The following ANKRD13B variants were observed in gnomAD, a reference collection of about 807,000 sequenced individuals.
ANKRD13B encodes the protein ankyrin repeat domain-containing protein 13B.
Under a neutral mutation model 74.4 loss-of-function variants are expected in ANKRD13B, and 33 were observed. That is an observed-to-expected ratio of 0.44 (90% CI 0.34 to 0.59). ANKRD13B has a LOEUF of 0.59. Ranked by LOEUF, ANKRD13B falls within the 20% of genes least tolerant of loss-of-function variation. ANKRD13B has a pLI of 0.02. For missense variants in ANKRD13B, 676 were observed against 877.9 expected (o/e 0.77, Z 2.91); for synonymous variants, 341 against 362.9 (o/e 0.94, Z 0.68).
At chr17:29,596,547 A>T (rs892975457) in intron 1 of ANKRD13B, among the ~76,000 whole-genome samples, 15 of 152,106 alleles carry the variant, frequency 9.9e-5, no homozygotes, top group Admixed American at 6.5e-5. Flanking sequence ...CGTGGGAGGG[A>T]CATGTGTGGG....
At chr17:29,593,886 G>T in intron 1 of ANKRD13B, 151 bp downstream of exon 1, 2 of 141,838 alleles carry the variant, frequency 1.4e-5, no homozygotes, top group Non-Finnish European at 1.2e-5. Flanking sequence ...TGTTGACCGG[G>T]AAAGGGTGAT....
chr17:29,599,208 C>A (rs2034066332), intron 1 of ANKRD13B, among the ~76,000 whole-genome samples: 1 of 152,134 alleles, frequency 6.6e-6, no homozygotes, highest in African/African-American at 2.4e-5. Flanking sequence ...CCGGGGAAGG[C>A]CATTGGCGAA....
In ANKRD13B at chr17:29,593,410, C is replaced by T. The variant is rs987524447; in HGVS notation, c.-212C>T. 1.4e-5 allele frequency: 2 copies of T among 146,494 alleles called. No individual in the cohort carries two copies. Among genetic ancestry groups the T allele is most frequent in the African/African-American group, 4.9e-5 (2 of 40,698 alleles). The allele number at this position is 146,494 out of a possible 1,614,324, so 9.1% of individuals were successfully genotyped here. A position where few individuals can be genotyped will look rare whatever the true frequency, so the allele number is the denominator to read the frequency against. On this transcript the variant is annotated 5_prime_UTR_variant, in exon 1 of 15. Transcript: ENST00000394859. The stretch of plus-strand genomic sequence containing the variant: ...GGCGGGTGGGGGCCTCTCCGCGCCG[C>T]CCGCCGCCGCCGCCTCGCGAGGACG...
intron 1 of ANKRD13B, among the ~76,000 whole-genome samples, chr17:29,600,767 G>T (rs1051857435): frequency 6.6e-6 from 1 of 152,120 alleles, no homozygotes; most frequent in Non-Finnish European, 1.5e-5. Context: ...TTATGTGGAC[G>T]TTTCCCTCTG....
At position 29,600,123 on chromosome 17, in the gene ANKRD13B, A is replaced by G. The variant is rs1048113239; in HGVS notation, c.114+6388A>G. ...GATCTCCTGACCTCGTGATCCGCCC[A>G]CCTCGGCCTCCCAAAGAGCTGGGAT... On this transcript the variant is annotated intron_variant, in intron 1 of 14. Coordinates refer to ENST00000394859, the MANE Select transcript of ANKRD13B (RefSeq NM_152345.5). Among the ~76,000 whole-genome samples, 12 of 151,992 alleles carry G rather than the reference A, an allele frequency of 7.9e-5. No homozygotes were observed. In the East Asian group the frequency reaches 1.6e-3, roughly 20 times the overall value.
chr17:29,613,429 A>C lies in ANKRD13B; in HGVS notation c.1728A>C (p.Pro576=). ...CCAGCCCTCGGCCCAGCTCAGGGCC[A>C]GGTTCCGGCGGCCACGTGTTCCGGA... ...SVPSPRPSSG[P]GSGGHVFRSY... Residue 576 remains proline, a synonymous_variant, in exon 15 of 15, where the codon CCA becomes CCC. Coordinates refer to ENST00000394859, the MANE Select transcript of ANKRD13B (RefSeq NM_152345.5). The C allele has an allele frequency of 6.5e-7, 1 of 1,529,030 alleles. No individual in the cohort carries two copies. Among genetic ancestry groups the C allele is most frequent in the Non-Finnish European group, 8.8e-7 (1 of 1,141,216 alleles). 94.7% of individuals were successfully genotyped at this position (1,529,030 alleles called of 1,614,324 possible).
chr17:29,596,391 C>T (rs191525020), intron 1 of ANKRD13B, among the ~76,000 whole-genome samples: 125 of 152,286 alleles, frequency 8.2e-4, no homozygotes, highest in African/African-American at 2.9e-3. Flanking sequence ...TCTGCCAGGT[C>T]GGGGGGGACA....
chr17:29,608,021 C>A lies in ANKRD13B; in HGVS notation c.286C>A (p.Leu96Met). 1.4e-5 allele frequency: 23 copies of A among 1,611,764 alleles called. No individual in the cohort carries two copies. The highest frequency in any genetic ancestry group is 2.0e-5 in the Non-Finnish European group (23 of 1,178,928). Residue 96 changes from leucine to methionine, a missense_variant, in exon 3 of 15, where the codon CTG (leucine) becomes ATG (methionine). Coordinates refer to ENST00000394859, the MANE Select transcript of ANKRD13B (RefSeq NM_152345.5). The surrounding 1 kb of genome is among the most constrained non-coding windows in gnomAD (Gnocchi z 6.4). ...GGCTGTGAGTACCCGGGACCTGGAG[C>A]TGGTGCAGCTGGTGCTTCGGTACCG... Reference protein sequence around the residue: ...QEAVSTRDLELVQLVLRYRDY... With the variant: ...QEAVSTRDLEMVQLVLRYRDY...
At position 29,608,104 on chromosome 17, in the gene ANKRD13B, G is replaced by A. The variant is rs2150895581; in HGVS notation, c.369G>A (p.Leu123=). 2 of 1,613,236 alleles carry A rather than the reference G, an allele frequency of 1.2e-6. No individual in the cohort carries two copies. Among genetic ancestry groups the A allele is most frequent in the East Asian group, 4.5e-5 (2 of 44,862 alleles). ...GCATCCCCGTGCTCCTGGAGAAGCT[G>A]CGCAAGGTGAGGCCCAGCCTCTCAG... ...LAGIPVLLEK[L]RKAQDFYVEM... The change falls in exon 3 of 15, where the codon CTG becomes CTA. Residue 123 remains leucine, a synonymous_variant. Transcript: ENST00000394859. The surrounding 1 kb of genome is among the most constrained non-coding windows in gnomAD (Gnocchi z 6.4).
intron 1 of ANKRD13B, among the ~76,000 whole-genome samples, chr17:29,601,176 G>A (rs1013978900): frequency 6.6e-6 from 1 of 151,058 alleles, no homozygotes; most frequent in Non-Finnish European, 1.5e-5. Context: ...TGCCCACCTC[G>A]GCCTCCCAAA....
chr17:29,594,778 C>T (rs995785054), intron 1 of ANKRD13B, among the ~76,000 whole-genome samples: 6 of 152,114 alleles, frequency 3.9e-5, no homozygotes, highest in Admixed American at 3.9e-4. Context: ...CGCAGTTGCC[C>T]GCTGTGGGAA....
rs893678414 is a variant in ANKRD13B at position 29,613,835 on chromosome 17, G to A, written c.*253G>A. The A allele has an allele frequency of 1.3e-5, 7 of 534,662 alleles. No homozygotes were observed. The highest frequency in any genetic ancestry group is 1.2e-4 in the African/African-American group (6 of 49,842). The allele number at this position is 534,662 out of a possible 1,614,324, so 33.1% of individuals were successfully genotyped here. On this transcript the variant is annotated 3_prime_UTR_variant, in exon 15 of 15. Transcript: ENST00000394859. ...TTGCTGTATTCTGATTCCCCAACCC[G>A]CTCCCCTGGGCTCAGATCTGTCCTG... is the stretch of plus-strand genomic sequence containing the variant.
chr17:29,613,344 C>T lies in ANKRD13B; in HGVS notation c.1653-10C>T. 2 of 1,428,858 alleles carry T rather than the reference C, an allele frequency of 1.4e-6. No homozygotes were observed. The highest frequency in any genetic ancestry group is 1.8e-6 in the Non-Finnish European group (2 of 1,101,256). 88.5% of individuals were successfully genotyped at this position (1,428,858 alleles called of 1,614,324 possible). On this transcript the variant is annotated splice_polypyrimidine_tract_variant and intron_variant, in intron 14 of 14. Transcript: ENST00000394859. The stretch of plus-strand genomic sequence containing the variant: ...CCCGGGAGCCCGCGACATTCCTTCC[C>T]CACCCCCAGGAGCGCCCCGCCCACG...
At chr17:29,604,251 C>T (rs1349176795) in intron 1 of ANKRD13B, among the ~76,000 whole-genome samples, 1 of 151,938 alleles carries the variant, frequency 6.6e-6, no homozygotes, top group Admixed American at 6.6e-5. Context: ...CTCTGTCACC[C>T]AGGCTTGAGT....
intron 1 of ANKRD13B, among the ~76,000 whole-genome samples, chr17:29,598,906 C>A (rs2034054971): frequency 6.6e-6 from 1 of 152,234 alleles, no homozygotes; most frequent in South Asian, 2.1e-4. Context: ...TGTGCCCCCT[C>A]AGCCTAGTAC....
Position 29,607,910 on chromosome 17 carries a change from C to T in ANKRD13B, c.250+33C>T, listed in dbSNP as rs372695970. 82 of 1,579,172 alleles carry T rather than the reference C, an allele frequency of 5.2e-5. 1 individual carries two copies. Among genetic ancestry groups the T allele is most frequent in the South Asian group, 3.5e-4 (31 of 87,766 alleles). ...GCCCTGCTCACCCCAGCCCCACAGC[C>T]GGGGCCTCCCCAGCATCATAGACCT... On this transcript the variant is annotated intron_variant, in intron 2 of 14. Transcript: ENST00000394859.
chr17:29,597,195 A>C (rs912532926), intron 1 of ANKRD13B, among the ~76,000 whole-genome samples: 4 of 152,140 alleles, frequency 2.6e-5, no homozygotes, highest in African/African-American at 9.7e-5. Context: ...TATGCTTTTC[A>C]TACTTCCCTT....
intron 1 of ANKRD13B, among the ~76,000 whole-genome samples, chr17:29,597,952 G>A (rs1248287429): frequency 3.3e-5 from 5 of 152,148 alleles, no homozygotes; most frequent in African/African-American, 7.2e-5. Flanking sequence ...GCCAGGCAGC[G>A]GCCTGCCAGC....
chr17:29,601,878 T>C (rs1460115507), intron 1 of ANKRD13B, among the ~76,000 whole-genome samples: 1 of 152,214 alleles, frequency 6.6e-6, no homozygotes, highest in Non-Finnish European at 1.5e-5. Context: ...ATGAGAAGAA[T>C]ATAGTATTTC....
Sources: allele counts gnomAD v4.1 joint callset (sites outside exome capture counted in the v4.1 genomes callset), GRCh38; gene constraint gnomAD v4.1.1; non-coding constraint Gnocchi (gnomAD v3.1); transcripts MANE v1.5; gene names NCBI Gene and HGNC (gene_info 2026-07-23, HGNC 2026-07-21).